The following PTPRK variants were observed in gnomAD, a reference collection of about 807,000 sequenced individuals.
PTPRK encodes the protein receptor-type tyrosine-protein phosphatase kappa.
A neutral mutation model predicts 178.0 loss-of-function variants in PTPRK; 75 were observed. The ratio of observed to expected loss-of-function variants is 0.42; its 90% confidence interval spans 0.35 to 0.51. PTPRK has a LOEUF of 0.51. PTPRK is among the 20% of genes least tolerant of loss of function. The probability of loss-of-function intolerance (pLI) is 0.02; values close to 1 mark genes in which losing one functional copy is unlikely to be tolerated. For synonymous variants in PTPRK, 637 were observed against 620.6 expected (o/e 1.03, Z -0.39); for missense variants, 1,441 against 1,797.8 (o/e 0.80, Z 3.59).
chr6:127,983,193 A>C (rs1775558723), intron 23 of PTPRK, 49 bp downstream of exon 23: 1 of 1,437,972 alleles, frequency 7.0e-7, no homozygotes, highest in Non-Finnish European at 9.2e-7. Flanking sequence ...CTTTGTTTGC[A>C]AAAAAAATAA....
intron 5 of PTPRK, among the ~76,000 whole-genome samples, chr6:128,219,500 G>T (rs995044747): frequency 2.6e-5 from 4 of 152,172 alleles, no homozygotes; most frequent in African/African-American, 9.7e-5. Flanking sequence ...AGCTCAGGTG[G>T]CAATGCTTGC....
intron 17 of PTPRK, among the ~76,000 whole-genome samples, chr6:127,996,363 T>C (rs1264392283): frequency 2.0e-5 from 3 of 152,142 alleles, no homozygotes; most frequent in Non-Finnish European, 2.9e-5. Flanking sequence ...TGTACAAACA[T>C]GAAATCAAAC....
At chr6:127,976,168 G>A (rs1184868936) in intron 27 of PTPRK, among the ~76,000 whole-genome samples, 2 of 152,122 alleles carry the variant, frequency 1.3e-5, no homozygotes, top group Non-Finnish European at 2.9e-5. Context: ...TGAAATTGCA[G>A]GTAGGATAAT....
intron 24 of PTPRK, 76 bp downstream of exon 24, chr6:127,982,755 C>A: frequency 1.5e-6 from 2 of 1,348,124 alleles, no homozygotes; most frequent in East Asian, 2.3e-5. Context: ...ACTTGAAAGA[C>A]CTTCCTTGAA....
chr6:128,130,785 A>G (rs1336261560), intron 7 of PTPRK, among the ~76,000 whole-genome samples: 1 of 152,200 alleles, frequency 6.6e-6, no homozygotes, highest in Non-Finnish European at 1.5e-5. Context: ...CCTCTGATTT[A>G]GATACCCAAG....
chr6:128,087,956 A>G (rs1786219235), intron 8 of PTPRK, among the ~76,000 whole-genome samples: 1 of 152,200 alleles, frequency 6.6e-6, no homozygotes. Context: ...CTATGGCATA[A>G]TAACCTCTTT....
At chr6:128,472,765 C>A in intron 1 of PTPRK, 2 of 266,408 alleles carry the variant, frequency 7.5e-6, no homozygotes, top group South Asian at 4.0e-5. Context: ...GAAAACTTAA[C>A]ATTGATACAC....
chr6:128,463,617 C>T (rs1849362510), intron 1 of PTPRK, among the ~76,000 whole-genome samples: 1 of 151,942 alleles, frequency 6.6e-6, no homozygotes, highest in African/African-American at 2.4e-5. Context: ...AGATATGCAC[C>T]TTTCCAGATA....
chr6:128,321,738 C>T, intron 3 of PTPRK: 3 of 684,548 alleles, frequency 4.4e-6, no homozygotes, highest in Non-Finnish European at 5.3e-6. Flanking sequence ...TGTCAAACCA[C>T]CAACAAATTT....
chr6:128,118,756 T>C (rs1341392530), intron 7 of PTPRK, among the ~76,000 whole-genome samples: 1 of 152,178 alleles, frequency 6.6e-6, no homozygotes, highest in African/African-American at 2.4e-5. Context: ...ACTTGAGAAA[T>C]CTGCCACACA....
rs1282328403 is a variant in PTPRK, at chr6:128,160,804, TA to T, written c.1162+23627del. ...AATTTATATTGACAAATAAAAACAT[TA>T]AGGCTAATCTTCCAAAGCCTAAAAC... On this transcript the variant is annotated intron_variant, in intron 7 of 29. Transcript: ENST00000368226. 8.6e-5 allele frequency among the ~76,000 whole-genome samples: 13 copies of T among 151,472 alleles called. No individual in the cohort carries two copies. In the Admixed American group the frequency reaches 8.6e-4, roughly 10 times the overall value.
chr6:128,189,027 A>C (rs1201112053), intron 6 of PTPRK, among the ~76,000 whole-genome samples: 2 of 151,972 alleles, frequency 1.3e-5, no homozygotes, highest in African/African-American at 4.8e-5. Flanking sequence ...ATTAGAATCT[A>C]TTTGGGGGGC....
intron 1 of PTPRK, among the ~76,000 whole-genome samples, chr6:128,421,453 A>T (rs969150060): frequency 2.0e-5 from 3 of 152,286 alleles, no homozygotes; most frequent in East Asian, 3.9e-4. Context: ...GAGTTTTTTT[A>T]AAAGTGTGTA....
intron 1 of PTPRK, chr6:128,500,815 C>T (rs765838828): frequency 3.9e-5 from 6 of 152,182 alleles, no homozygotes; most frequent in Middle Eastern, 3.2e-3. Context: ...GAAATCTATA[C>T]TCTGTTGCCC....
intron 13 of PTPRK, among the ~76,000 whole-genome samples, chr6:128,039,549 G>T (rs1023031918): frequency 4.6e-5 from 7 of 152,044 alleles, no homozygotes; most frequent in African/African-American, 1.7e-4. Flanking sequence ...TATACATTTT[G>T]GATAATCATA....
At chr6:128,293,348 G>C (rs1823727238) in intron 3 of PTPRK, among the ~76,000 whole-genome samples, 1 of 151,992 alleles carries the variant, frequency 6.6e-6, no homozygotes, top group South Asian at 2.1e-4. Context: ...CCTCAGAGAG[G>C]AGAAATGCTG....
chr6:128,138,355 C>A (rs574073385), intron 7 of PTPRK, among the ~76,000 whole-genome samples: 1 of 152,148 alleles, frequency 6.6e-6, no homozygotes, highest in South Asian at 2.1e-4. Flanking sequence ...TATTTCCTGT[C>A]TCACAACGGG....
At chr6:128,183,636 A>C (rs970000613) in intron 7 of PTPRK, among the ~76,000 whole-genome samples, 1 of 152,212 alleles carries the variant, frequency 6.6e-6, no homozygotes, top group African/African-American at 2.4e-5. Flanking sequence ...AATGATAAAC[A>C]GATGCTCAAG....
chr6:128,283,375 A>G (rs575325229), intron 3 of PTPRK, among the ~76,000 whole-genome samples: 1 of 152,338 alleles, frequency 6.6e-6, no homozygotes, highest in African/African-American at 2.4e-5. Context: ...AGCTCAAAAT[A>G]CAATTAGTAC....
Sources: allele counts gnomAD v4.1 joint callset (sites outside exome capture counted in the v4.1 genomes callset), GRCh38; gene constraint gnomAD v4.1.1; transcripts MANE v1.5; gene names NCBI Gene and HGNC (gene_info 2026-07-23, HGNC 2026-07-21).